Variants in DDX11 observed in about 807,000 individuals in gnomAD.
DDX11 encodes the protein ATP-dependent DNA helicase DDX11.
DDX11 carries 72 observed loss-of-function variants against 125.2 expected under a neutral mutation model. The observed-to-expected ratio is 0.58, with a 90% CI of 0.48 to 0.70. The LOEUF (loss-of-function observed/expected upper bound fraction) is 0.70. DDX11 is among the 30% of genes least tolerant of loss of function. The probability of loss-of-function intolerance (pLI) is 0.00; values close to 1 mark genes in which losing one functional copy is unlikely to be tolerated. For missense variants in DDX11, 883 were observed against 1,165.0 expected, an observed-to-expected ratio of 0.76 and a Z score of 3.52; for synonymous variants, 347 against 452.6, an observed-to-expected ratio of 0.77 and a Z score of 2.96.
chr12:31,088,861 T>TAGGGAA (rs1388916430), intron 6 of DDX11, among the ~76,000 whole-genome samples, 183 bp from the exon 7 acceptor site: 1 of 152,274 alleles, frequency 6.6e-6, no homozygotes, highest in African/African-American at 2.4e-5. Context: ...TGTGGGTGAC[T>TAGGGAA]TGGGAATCCC....
Position 31,086,002 on chromosome 12 carries a change from C to T in DDX11, c.638+876C>T, listed in dbSNP as rs148366938. On this transcript the variant is annotated intron_variant, in intron 5 of 26. Transcript: ENST00000542838. ...ATGGATATTCCTGAAGGTTCATCCCCGGCCTTCACAGTCTGTCTGCAGGGC... is the reference window on the plus strand; with the variant it reads ...ATGGATATTCCTGAAGGTTCATCCCTGGCCTTCACAGTCTGTCTGCAGGGC... 6.0e-4 allele frequency: 272 copies of T among 452,802 alleles called. No individual in the cohort carries two copies. The East Asian group carries it at 0.015, about 26-fold the overall frequency. 28.0% of individuals were successfully genotyped at this position (452,802 alleles called of 1,614,324 possible). A position where few individuals can be genotyped will look rare whatever the true frequency, so the allele number is the denominator to read the frequency against.
At chr12:31,103,176 TCCCTGTGATGTCACCTGGA>T in intron 24 of DDX11, 122 bp from the exon 25 acceptor site, 2 of 1,342,008 alleles carry the variant, frequency 1.5e-6, no homozygotes, top group Non-Finnish European at 2.1e-6. Flanking sequence ...CTCTTGATCT[TCCCTGTGATGTCACCTGGA>T]CCCCTGCTGC....
chr12:31,082,661 C>T (rs1449240473), intron 2 of DDX11, among the ~76,000 whole-genome samples: 1 of 151,904 alleles, frequency 6.6e-6, no homozygotes, highest in Non-Finnish European at 1.5e-5. Flanking sequence ...GACACCAGGG[C>T]CGCCTCCTTG....
rs1044330114 is a variant in DDX11 at position 31,102,127 on chromosome 12, A to G, written c.2203-116A>G. On this transcript the variant is annotated intron_variant, in intron 21 of 26. Transcript: ENST00000542838. ...TCCCTGACTACAGAGGATTTCCCCC[A>G]AAGTCCCTGGCTGTGAGGTTCTCCA... 49 of 1,255,560 alleles carry G rather than the reference A, an allele frequency of 3.9e-5. No individual in the cohort carries two copies. In the African/African-American group the frequency reaches 6.7e-4, roughly 17 times the overall value. 77.8% of individuals were successfully genotyped at this position (1,255,560 alleles called of 1,614,324 possible).
intron 11 of DDX11, 150 bp downstream of exon 11, chr12:31,093,042 G>C (rs990335757): frequency 1.0e-6 from 1 of 994,582 alleles, no homozygotes; most frequent in African/African-American, 1.6e-5. Context: ...GCACATCATG[G>C]TGTGTGCTGC....
chr12:31,102,025 C>T (rs7966523), intron 21 of DDX11, 43 bp downstream of exon 21: 758,534 of 1,584,808 alleles, frequency 0.48, 186,849 homozygotes, highest in East Asian at 0.84. Flanking sequence ...GAGGACAGTG[C>T]CACTGAGTCC....
At chr12:31,093,579 G>C (rs1316725728) in intron 12 of DDX11, 7 of 487,248 alleles carry the variant, frequency 1.4e-5, no homozygotes, top group Non-Finnish European at 2.3e-5. Flanking sequence ...TTAGCTGGGA[G>C]TGTTGCCGTG....
At chr12:31,081,571 G>A (rs1288051555) in intron 2 of DDX11, among the ~76,000 whole-genome samples, 5 of 151,442 alleles carry the variant, frequency 3.3e-5, no homozygotes, top group Admixed American at 1.3e-4. Context: ...TGATGCCCTC[G>A]AATTGTATGT....
intron 14 of DDX11, among the ~76,000 whole-genome samples, chr12:31,095,085 G>A (rs1190788695): frequency 9.8e-5 from 15 of 152,298 alleles, no homozygotes; most frequent in East Asian, 3.9e-4. Context: ...CTCTCACTCC[G>A]TCTTCTGGCA....
intron 2 of DDX11, among the ~76,000 whole-genome samples, chr12:31,079,504 GA>G (rs1941418464): frequency 7.3e-6 from 1 of 136,150 alleles, no homozygotes; most frequent in Admixed American, 7.6e-5. Context: ...TGTGGAGCAA[GA>G]AAAGACGAGG....
intron 4 of DDX11, 22 bp from the exon 5 acceptor site, chr12:31,084,947 C>T: frequency 5.0e-6 from 8 of 1,594,398 alleles, no homozygotes; most frequent in Non-Finnish European, 6.8e-6. Context: ...CCTCCCTCAC[C>T]ACCTCCACTA....
At chr12:31,079,436 AG>A (rs1941401061) in intron 2 of DDX11, among the ~76,000 whole-genome samples, 1 of 138,850 alleles carries the variant, frequency 7.2e-6, no homozygotes, top group Admixed American at 7.5e-5. Context: ...AGATTCTGGC[AG>A]GGTTCTGGTT....
chr12:31,098,110 C>T, intron 18 of DDX11, 113 bp downstream of exon 18: 5 of 681,770 alleles, frequency 7.3e-6, no homozygotes, highest in African/African-American at 1.8e-5. Flanking sequence ...CAGAAAGGGT[C>T]AGCTCGAGCA....
intron 2 of DDX11, among the ~76,000 whole-genome samples, chr12:31,081,173 A>G (rs1020172755): frequency 4.6e-5 from 7 of 152,116 alleles, no homozygotes; most frequent in Non-Finnish European, 1.0e-4. Context: ...TTCTGGTTCT[A>G]TAGCTTCATC....
intron 1 of DDX11, among the ~76,000 whole-genome samples, chr12:31,076,000 A>T (rs1027242677): frequency 6.6e-6 from 1 of 152,010 alleles, no homozygotes; most frequent in Non-Finnish European, 1.5e-5. Context: ...AAGCCTGGAT[A>T]TTGAGGAGGA....
At position 31,103,697 on chromosome 12, in the gene DDX11, C is replaced by G. The variant is rs769457008; in HGVS notation, c.2657C>G (p.Ala886Gly). ...ATCCGAGCCCGTGTGGAGGTCAAAG[C>G]TACCTTTGGCCCCGCCATTGCTGCT... ...AWIRARVEVK[A>G]TFGPAIAAVQ... The change falls in exon 26 of 27, where the codon GCT (alanine) becomes GGT (glycine). Residue 886 changes from alanine to glycine, a missense_variant. Around this residue, in one of 5 missense-constraint regions of DDX11, gnomAD observed 285 missense variants for 346.0 expected, o/e 0.82. Transcript: ENST00000542838. The G allele has an allele frequency of 5.0e-6, 8 of 1,613,996 alleles. No individual in the cohort carries two copies. The highest frequency in any genetic ancestry group is 6.8e-6 in the Non-Finnish European group (8 of 1,180,006).
rs543421509 is a variant in DDX11, at chr12:31,085,890, G to A, written c.638+764G>A. 34 of 372,672 alleles carry A rather than the reference G, an allele frequency of 9.1e-5. No homozygotes were observed. The East Asian group carries it at 2.5e-3, about 27-fold the overall frequency. The allele number at this position is 372,672 out of a possible 1,614,324, so 23.1% of individuals were successfully genotyped here. A position where few individuals can be genotyped will look rare whatever the true frequency, so the allele number is the denominator to read the frequency against. On this transcript the variant is annotated intron_variant, in intron 5 of 26. Transcript: ENST00000542838. ...AATGGTGATGTGGATGGGGTGGGGG[G>A]CTGCACCTGATGATGAGTCCCGTGT...
chr12:31,076,430 C>T (rs1003981265), intron 1 of DDX11, among the ~76,000 whole-genome samples: 1 of 151,646 alleles, frequency 6.6e-6, no homozygotes, highest in African/African-American at 2.4e-5. Flanking sequence ...TCAATTCTTA[C>T]TCTCAGTTTG....
chr12:31,089,544 G>A, intron 8 of DDX11, 54 bp downstream of exon 8: 1 of 1,555,058 alleles, frequency 6.4e-7, no homozygotes, highest in East Asian at 2.2e-5. Flanking sequence ...AGTGAGGCAG[G>A]GGTGGCAGTG....
Sources: gnomAD v4.1 joint callset for allele counts (sites outside exome capture counted in the v4.1 genomes callset) on GRCh38, gnomAD v4.1.1 for gene constraint, gnomAD v4.1.1 regional missense constraint, MANE v1.5 for transcripts, NCBI Gene and HGNC (gene_info 2026-07-23, HGNC 2026-07-21) for gene names.